Variants in WDR35 observed in about 807,000 individuals in gnomAD.
WDR35 encodes WD repeat-containing protein 35.
A neutral mutation model predicts 158.3 loss-of-function variants in WDR35; 118 were observed. That is an observed-to-expected ratio of 0.75 (90% confidence interval 0.64 to 0.87). WDR35 has a LOEUF of 0.87. Among genes scored for constraint, WDR35 ranks in the 40% least tolerant of loss-of-function variants. The pLI is 0.00. For missense variants in WDR35, 1,263 were observed against 1,405.8 expected (o/e 0.90, Z 1.62); for synonymous variants, 448 against 476.1 (o/e 0.94, Z 0.77).
intron 11 of WDR35, 94 bp downstream of exon 11, chr2:19,960,460 A>G (rs2103435603): frequency 9.8e-7 from 1 of 1,018,458 alleles, no homozygotes; most frequent in South Asian, 1.4e-5. Flanking sequence ...TTTAGAAAAC[A>G]CCATTCTAAT....
At chr2:19,989,648 A>G (rs933511513) in intron 1 of WDR35, among the ~76,000 whole-genome samples, 4 of 152,220 alleles carry the variant, frequency 2.6e-5, no homozygotes, top group Non-Finnish European at 4.4e-5. Flanking sequence ...CTCTTGCCCA[A>G]TGGCTCGTGG....
intron 12 of WDR35, among the ~76,000 whole-genome samples, chr2:19,953,215 CA>C (rs1044698014): frequency 1.3e-5 from 2 of 152,182 alleles, no homozygotes; most frequent in African/African-American, 4.8e-5. Context: ...TTACAAAACA[CA>C]GTAAATGCTT....
At chr2:19,937,178 T>C (rs1169537318) in intron 19 of WDR35, among the ~76,000 whole-genome samples, 1 of 152,176 alleles carries the variant, frequency 6.6e-6, no homozygotes, top group African/African-American at 2.4e-5. Context: ...CTCTCCGCCT[T>C]GTGGTTCAGT....
chr2:19,922,508 G>C (rs1268979999), intron 25 of WDR35, among the ~76,000 whole-genome samples: 1 of 147,954 alleles, frequency 6.8e-6, no homozygotes, highest in East Asian at 2.1e-4. Flanking sequence ...TCATAAGTGG[G>C]AGTCGAACAA....
At position 19,952,781 on chromosome 2, in the gene WDR35, C is replaced by CTTTTTTT. The variant is rs773596785; in HGVS notation, c.1400+1046_1400+1052dup. 3.7e-4 allele frequency among the ~76,000 whole-genome samples: 32 copies of CTTTTTTT among 86,288 alleles called. 1 individual carries two copies. The highest frequency in any genetic ancestry group is 4.3e-4 in the Non-Finnish European group (20 of 46,492). 56.6% of individuals were successfully genotyped at this position (86,288 alleles called of 152,430 possible). A position where few individuals can be genotyped will look rare whatever the true frequency, so the allele number is the denominator to read the frequency against. ...CACATGAATTCGCATACTCAACATA[C>CTTTTTTT]TTTTTTTTTTTTTTTTTTTTTTTTT... is the stretch of plus-strand genomic sequence containing the variant. On this transcript the variant is annotated intron_variant, in intron 12 of 26. Transcript: ENST00000281405.
At chr2:19,928,837 C>T (rs1159888904) in intron 25 of WDR35, among the ~76,000 whole-genome samples, 2 of 150,362 alleles carry the variant, frequency 1.3e-5, no homozygotes, top group Admixed American at 6.6e-5. Flanking sequence ...GACGGAGTCT[C>T]GCTCTGTCAC....
chr2:19,975,389 T>C, intron 6 of WDR35, 141 bp downstream of exon 6: 2 of 1,107,932 alleles, frequency 1.8e-6, no homozygotes, highest in Non-Finnish European at 2.4e-6. Context: ...TTTAGACGAT[T>C]GGGAAAAAGA....
chr2:19,915,293 C>T (rs1358882855), intron 25 of WDR35, among the ~76,000 whole-genome samples: 1 of 151,954 alleles, frequency 6.6e-6, no homozygotes, highest in African/African-American at 2.4e-5. Flanking sequence ...GTATTTACAA[C>T]AAAGTGTAGT....
rs939139635 is a variant in WDR35, at chr2:19,912,018, G to A, written c.*1540C>T. 1 of 152,158 alleles carries A rather than the reference G, an allele frequency of 6.6e-6. No individual in the cohort carries two copies. The highest frequency in any genetic ancestry group is 1.5e-5 in the Non-Finnish European group (1 of 68,050). 9.4% of individuals were successfully genotyped at this position (152,158 alleles called of 1,614,324 possible). ...TCTGATTGAGTCATCTGGCTCAAGCGGCCACTCTGGTCCTTTTTGTAACCC... is the reference window on the plus strand; with the variant it reads ...TCTGATTGAGTCATCTGGCTCAAGCAGCCACTCTGGTCCTTTTTGTAACCC... On this transcript the variant is annotated 3_prime_UTR_variant, in exon 27 of 27. Transcript: ENST00000281405.
At chr2:19,970,119 T>C (rs1441827228) in intron 8 of WDR35, among the ~76,000 whole-genome samples, 1 of 152,088 alleles carries the variant, frequency 6.6e-6, no homozygotes, top group Non-Finnish European at 1.5e-5. Flanking sequence ...AAGAATTCAA[T>C]AGCAAATTTC....
chr2:19,986,128 C>T (rs568785833), intron 2 of WDR35, among the ~76,000 whole-genome samples: 3 of 151,992 alleles, frequency 2.0e-5, no homozygotes, highest in Non-Finnish European at 2.9e-5. Context: ...ATGTTGTTAA[C>T]GGAGGAAAAG....
chr2:19,911,503 A>C lies in WDR35; in HGVS notation c.*2055T>G, dbSNP rs1428601973. ...AGTCCTGTGGAAAGATGCAAGTTCA[A>C]CAGGAGATGTACTGTCTTAGACAGA... On this transcript the variant is annotated 3_prime_UTR_variant, in exon 27 of 27. Coordinates refer to ENST00000281405, the MANE Select transcript of WDR35 (RefSeq NM_020779.4). The C allele has an allele frequency of 6.6e-6, 1 of 152,250 alleles. No homozygotes were observed. Among genetic ancestry groups the C allele is most frequent in the Non-Finnish European group, 1.5e-5 (1 of 68,038 alleles). The allele number at this position is 152,250 out of a possible 1,614,324, so 9.4% of individuals were successfully genotyped here.
At position 19,962,382 on chromosome 2, in the gene WDR35, A is replaced by T. The variant is rs1671691364; in HGVS notation, c.1195-1768T>A. Reference sequence around the variant, plus strand: ...AATTCAGAAAAATTCAGTTAACTCAAAAAAGACATGACTCAACCTAATGAA... The same window carrying T: ...AATTCAGAAAAATTCAGTTAACTCATAAAAGACATGACTCAACCTAATGAA... On this transcript the variant is annotated intron_variant, in intron 10 of 26. Coordinates refer to ENST00000281405, the MANE Select transcript of WDR35 (RefSeq NM_020779.4). The T allele has an allele frequency of 3.2e-6, 5 of 1,581,602 alleles. No homozygotes were observed. In the South Asian group the frequency reaches 5.5e-5, roughly 18 times the overall value.
chr2:19,941,730 C>A, intron 17 of WDR35, 29 bp downstream of exon 17: 1 of 1,470,064 alleles, frequency 6.8e-7, no homozygotes, highest in Non-Finnish European at 9.3e-7. Flanking sequence ...GTCAAGCTAG[C>A]AACAGAAATG....
intron 12 of WDR35, chr2:19,951,895 G>T (rs890032686): frequency 6.3e-6 from 1 of 159,328 alleles, no homozygotes; most frequent in Non-Finnish European, 1.4e-5. Context: ...AGTGGATTTA[G>T]GAGGTTCTAA....
In WDR35 at chr2:19,948,150, T is replaced by C; in HGVS notation, c.1524+14A>G. On this transcript the variant is annotated intron_variant, in intron 14 of 26. Transcript: ENST00000281405. ...AGAATTATTATTCATAAAATAAGTT[T>C]TTGCAAAACTTACCACAATCAATAT... 1 of 1,600,130 alleles carries C rather than the reference T, an allele frequency of 6.2e-7. No homozygotes were observed. The highest frequency in any genetic ancestry group is 8.5e-7 in the Non-Finnish European group (1 of 1,172,904).
intron 12 of WDR35, among the ~76,000 whole-genome samples, chr2:19,953,282 A>G (rs144347968): frequency 2.8e-3 from 428 of 152,248 alleles, no homozygotes; most frequent in African/African-American, 9.3e-3. Context: ...TAACCTATCT[A>G]CTATGTGGCA....
In WDR35 at chr2:19,969,263, C is replaced by A. The variant is rs537476314; in HGVS notation, c.1008+217G>T. Among the ~76,000 whole-genome samples, 127 of 152,306 alleles carry A rather than the reference C, an allele frequency of 8.3e-4. No individual in the cohort carries two copies. In the Middle Eastern group the frequency reaches 0.024, roughly 29 times the overall value. On this transcript the variant is annotated intron_variant, in intron 9 of 26. Coordinates refer to ENST00000281405, the MANE Select transcript of WDR35 (RefSeq NM_020779.4). The stretch of plus-strand genomic sequence containing the variant: ...TTCATCAATCTCTCTTCAATTACTC[C>A]TTTGAGTGTACCATCTGTTTCTGGC...
At chr2:19,974,280 C>T (rs1432364770) in intron 7 of WDR35, among the ~76,000 whole-genome samples, 188 bp downstream of exon 7, 2 of 151,324 alleles carry the variant, frequency 1.3e-5, no homozygotes, top group East Asian at 3.9e-4. Context: ...CATAGTGGCA[C>T]GCCCTGTAGT....
Sources: gnomAD v4.1 joint callset for allele counts (sites outside exome capture counted in the v4.1 genomes callset) on GRCh38, gnomAD v4.1.1 for gene constraint, MANE v1.5 for transcripts, NCBI Gene and HGNC (gene_info 2026-07-23, HGNC 2026-07-21) for gene names.